Variants in LAMA4 observed in about 807,000 individuals in gnomAD.
LAMA4 encodes laminin subunit alpha-4.
Under a neutral mutation model 207.1 loss-of-function variants are expected in LAMA4, and 127 were observed. The ratio of observed to expected loss-of-function variants is 0.61; its 90% CI spans 0.53 to 0.71. The LOEUF (loss-of-function observed/expected upper bound fraction) is 0.71. Ranked by LOEUF, LAMA4 falls within the 30% of genes least tolerant of loss-of-function variation. The probability of loss-of-function intolerance (pLI) is 0.00; values close to 1 mark genes in which losing one functional copy is unlikely to be tolerated. For missense variants in LAMA4, 2,093 were observed against 2,246.5 expected, an observed-to-expected ratio of 0.93 and a Z score of 1.38; for synonymous variants, 761 against 816.0, an observed-to-expected ratio of 0.93 and a Z score of 1.15.
chr6:112,115,667 T>C lies in LAMA4; in HGVS notation c.5112+196A>G, dbSNP rs587627213. 3.4e-4 allele frequency among the ~76,000 whole-genome samples: 52 copies of C among 152,352 alleles called. 1 individual carries two copies. The highest frequency in any genetic ancestry group is 5.9e-5 in the Non-Finnish European group (4 of 68,024). On this transcript the variant is annotated intron_variant, in intron 36 of 38. Transcript: ENST00000230538. ...AGTTTTGCCATATTTTTATGACTCTTTGTTTTAACCAAATCAACTTTCAAC... is the reference window on the plus strand; with the variant it reads ...AGTTTTGCCATATTTTTATGACTCTCTGTTTTAACCAAATCAACTTTCAAC...
chr6:112,109,895 T>C (rs1433212514), intron 38 of LAMA4, among the ~76,000 whole-genome samples: 1 of 152,196 alleles, frequency 6.6e-6, no homozygotes, highest in Non-Finnish European at 1.5e-5. Flanking sequence ...TCTACCTATG[T>C]TTTTTAAAGT....
intron 14 of LAMA4, among the ~76,000 whole-genome samples, chr6:112,156,429 A>T (rs565394836): frequency 6.6e-6 from 1 of 152,280 alleles, no homozygotes; most frequent in Non-Finnish European, 1.5e-5. Flanking sequence ...GCTAATCGTC[A>T]GGGTTTATTA....
intron 7 of LAMA4, chr6:112,188,759 T>C (rs1782842181): frequency 4.5e-6 from 1 of 220,444 alleles, no homozygotes; most frequent in East Asian, 1.0e-4. Flanking sequence ...AAATTGTTTG[T>C]ACGTCGTATT....
At chr6:112,251,806 A>G (rs1205431475) in intron 2 of LAMA4, among the ~76,000 whole-genome samples, 4 of 152,146 alleles carry the variant, frequency 2.6e-5, no homozygotes, top group African/African-American at 9.7e-5. Context: ...CCCTTTCTAC[A>G]CCATATACTT....
In LAMA4 at chr6:112,254,048, C is replaced by G. The variant is rs1554190498; in HGVS notation, c.103G>C (p.Asp35His). 1 of 1,603,338 alleles carries G rather than the reference C, an allele frequency of 6.2e-7. No homozygotes were observed. The highest frequency in any genetic ancestry group is 2.2e-5 in the East Asian group (1 of 44,492). The change falls in exon 2 of 39, where the codon GAC (aspartate) becomes CAC (histidine). Residue 35 changes from aspartate to histidine, a missense_variant. This residue lies in a region of LAMA4 where 1,704 missense variants were observed against 1,788.4 expected (regional missense o/e 0.95). Coordinates refer to ENST00000230538, the MANE Select transcript of LAMA4 (RefSeq NM_001105206.3). ...CCAACCGCTGAGCTCCCTTCAATGT[C>G]AAAAGGAAAAGCGTTGTCGTCCCCG... ...ASGDDNAFPF[D>H]IEGSSAVGRQ...
intron 33 of LAMA4, among the ~76,000 whole-genome samples, chr6:112,119,522 T>A (rs1170052137): frequency 1.3e-5 from 2 of 152,192 alleles, no homozygotes; most frequent in African/African-American, 4.8e-5. Flanking sequence ...TGGCAGAAAC[T>A]TTATCCCTCA....
chr6:112,141,720 G>A (rs542984736), intron 20 of LAMA4, among the ~76,000 whole-genome samples: 3 of 152,246 alleles, frequency 2.0e-5, no homozygotes, highest in South Asian at 4.1e-4. Flanking sequence ...GCTCAGGCTC[G>A]TGGAAATTTG....
In LAMA4 at chr6:112,141,435, A is replaced by C; in HGVS notation, c.2736T>G (p.Thr912=). ...DNLVYVYNLG[T]KDVEIPLDSK... is the part of the protein sequence containing the mutation. ...AGTCCAGGGGAATCTCCACATCTTT[A>C]GTTCCCAAATTATAGACGTATACCA... is the stretch of plus-strand genomic sequence containing the variant. Residue 912 remains threonine (T), a synonymous_variant, in exon 21 of 39, where the codon ACT becomes ACG. Coordinates refer to ENST00000230538, the MANE Select transcript of LAMA4 (RefSeq NM_001105206.3). The C allele has an allele frequency of 6.2e-7, 1 of 1,612,946 alleles. No individual in the cohort carries two copies. Among genetic ancestry groups the C allele is most frequent in the Non-Finnish European group, 8.5e-7 (1 of 1,178,904 alleles).
chr6:112,244,536 A>G (rs1351384834), intron 2 of LAMA4, among the ~76,000 whole-genome samples: 1 of 152,220 alleles, frequency 6.6e-6, no homozygotes, highest in Non-Finnish European at 1.5e-5. Context: ...TACTTTCTTA[A>G]TAAACTTGCT....
intron 3 of LAMA4, among the ~76,000 whole-genome samples, chr6:112,209,709 T>C (rs1441301221): frequency 2.0e-5 from 3 of 152,204 alleles, no homozygotes; most frequent in African/African-American, 4.8e-5. Flanking sequence ...CTCTGATAAT[T>C]TTTTACTTTG....
intron 5 of LAMA4, among the ~76,000 whole-genome samples, chr6:112,201,145 G>T (rs927560383): frequency 2.0e-5 from 3 of 152,158 alleles, no homozygotes; most frequent in African/African-American, 2.4e-5. Flanking sequence ...TATAAAGCTG[G>T]TATAAAGAAT....
chr6:112,147,365 G>A (rs1189938805), intron 18 of LAMA4, among the ~76,000 whole-genome samples: 3 of 152,122 alleles, frequency 2.0e-5, no homozygotes, highest in African/African-American at 7.2e-5. Flanking sequence ...TTTGTAAATT[G>A]GAATAAAATT....
At chr6:112,200,693 T>A (rs1417208623) in intron 5 of LAMA4, among the ~76,000 whole-genome samples, 1 of 152,196 alleles carries the variant, frequency 6.6e-6, no homozygotes, top group Non-Finnish European at 1.5e-5. Context: ...CATGGAATAC[T>A]ATGCAGTCAT....
intron 19 of LAMA4, 75 bp from the exon 20 acceptor site, chr6:112,142,367 C>A: frequency 7.4e-7 from 1 of 1,342,820 alleles, no homozygotes; most frequent in Non-Finnish European, 1.1e-6. Flanking sequence ...TTCCCTCATT[C>A]GTGACAGGGG....
intron 16 of LAMA4, among the ~76,000 whole-genome samples, chr6:112,152,111 C>T (rs1230465607): frequency 3.3e-5 from 5 of 151,918 alleles, no homozygotes; most frequent in Non-Finnish European, 4.4e-5. Flanking sequence ...TATAATTTTC[C>T]TTTTTAATAA....
chr6:112,178,182 G>A lies in LAMA4; in HGVS notation c.1128C>T (p.Asp376=). 1 of 1,613,946 alleles carries A rather than the reference G, an allele frequency of 6.2e-7. No homozygotes were observed. Among genetic ancestry groups the A allele is most frequent in the Non-Finnish European group, 8.5e-7 (1 of 1,179,864 alleles). The stretch of plus-strand genomic sequence containing the variant: ...CCAGCTGACTTGCGTGGTTAATGGT[G>A]TCCATGCTTTCCTTCTGAACAAGTT... ...KGQLVQKESM[D]TINHASQLVE... Residue 376 remains aspartate (D), a synonymous_variant, in exon 10 of 39, where the codon GAC becomes GAT. Coordinates refer to ENST00000230538, the MANE Select transcript of LAMA4 (RefSeq NM_001105206.3).
chr6:112,207,258 C>T, intron 3 of LAMA4, 113 bp from the exon 4 acceptor site: 2 of 1,153,270 alleles, frequency 1.7e-6, no homozygotes, highest in Non-Finnish European at 2.6e-6. Context: ...GATCAGACAG[C>T]ACAGACTGTA....
intron 12 of LAMA4, 21 bp downstream of exon 12, chr6:112,172,590 G>T (rs1554342181): frequency 6.2e-7 from 1 of 1,610,924 alleles, no homozygotes; most frequent in Non-Finnish European, 8.5e-7. Context: ...GAAATGCATT[G>T]ATGGTGAGTG....
At chr6:112,132,471 A>G (rs1779092934) in intron 28 of LAMA4, among the ~76,000 whole-genome samples, 1 of 152,184 alleles carries the variant, frequency 6.6e-6, no homozygotes, top group Non-Finnish European at 1.5e-5. Flanking sequence ...AATTTCAGTG[A>G]GAGAAAATAA....
Sources: gnomAD v4.1 joint callset for allele counts (sites outside exome capture counted in the v4.1 genomes callset) on GRCh38, gnomAD v4.1.1 for gene constraint, gnomAD v4.1.1 regional missense constraint, MANE v1.5 for transcripts, NCBI Gene and HGNC (gene_info 2026-07-23, HGNC 2026-07-21) for gene names.